Variants in KSR1 observed in about 807,000 individuals in gnomAD.
The protein encoded by KSR1 is kinase suppressor of ras 1.
A neutral mutation model predicts 92.9 loss-of-function variants in KSR1; 35 were observed. The observed-to-expected ratio is 0.38, with a 90% confidence interval of 0.29 to 0.50. The LOEUF is 0.50. Among genes scored for constraint, KSR1 ranks in the 20% least tolerant of loss-of-function variants. The pLI is 0.94. For missense variants in KSR1, 972 were observed against 1,158.5 expected, an observed-to-expected ratio of 0.84 and a Z score of 2.34; for synonymous variants, 467 against 472.6, an observed-to-expected ratio of 0.99 and a Z score of 0.15.
rs566867344 is a variant in KSR1 at position 27,498,832 on chromosome 17, C to T, written c.231+41958C>T. ...GGTTGTGTGGGCAGGTGGAGACTCACTGGCTTTGATGGAGACTCTTAGGGA... is the reference window on the plus strand; with the variant it reads ...GGTTGTGTGGGCAGGTGGAGACTCATTGGCTTTGATGGAGACTCTTAGGGA... On this transcript the variant is annotated intron_variant, in intron 1 of 20. Transcript: ENST00000644974. Among the ~76,000 whole-genome samples the T allele has an allele frequency of 3.3e-5, 5 of 152,316 alleles. No homozygotes were observed. In the South Asian group the frequency reaches 1.0e-3, roughly 32 times the overall value.
chr17:27,545,905 C>T (rs925659992), intron 1 of KSR1, among the ~76,000 whole-genome samples: 1 of 152,110 alleles, frequency 6.6e-6, no homozygotes, highest in South Asian at 2.1e-4. Flanking sequence ...CCTGTGGTGG[C>T]GAAAGTCTTG....
intron 7 of KSR1, among the ~76,000 whole-genome samples, chr17:27,591,642 C>T (rs1236311781): frequency 1.3e-5 from 2 of 152,216 alleles, no homozygotes; most frequent in Non-Finnish European, 2.9e-5. Context: ...ACTTTCCCAG[C>T]GACTCTCCTG....
chr17:27,572,238 G>T (rs1314550371), intron 2 of KSR1, among the ~76,000 whole-genome samples: 1 of 152,206 alleles, frequency 6.6e-6, no homozygotes, highest in Non-Finnish European at 1.5e-5. Context: ...ACAGGCAGAG[G>T]CAGGGAGCCA....
intron 1 of KSR1, among the ~76,000 whole-genome samples, chr17:27,497,279 T>C (rs776919768): frequency 5.9e-5 from 9 of 152,150 alleles, no homozygotes; most frequent in Admixed American, 4.6e-4. Flanking sequence ...CTGGGGAAGA[T>C]TGAATAACCA....
intron 15 of KSR1, among the ~76,000 whole-genome samples, chr17:27,608,702 C>T (rs2073832170): frequency 6.6e-6 from 1 of 152,208 alleles, no homozygotes; most frequent in Non-Finnish European, 1.5e-5. Flanking sequence ...TCTACTACAG[C>T]TCAGACATTA....
intron 16 of KSR1, 134 bp downstream of exon 16, chr17:27,609,463 T>C: frequency 1.7e-6 from 2 of 1,165,082 alleles, no homozygotes; most frequent in Non-Finnish European, 2.5e-6. Context: ...GCTTTGGTCC[T>C]GCCCTCGTAG....
At chr17:27,608,072 C>G in intron 15 of KSR1, 62 bp downstream of exon 15, 1 of 1,225,032 alleles carries the variant, frequency 8.2e-7, no homozygotes, top group South Asian at 1.3e-5. Context: ...CTCGGCTGTT[C>G]CTCTCGCCCT....
At chr17:27,527,724 A>G (rs765415475) in intron 1 of KSR1, among the ~76,000 whole-genome samples, 16 of 152,208 alleles carry the variant, frequency 1.1e-4, no homozygotes, top group Non-Finnish European at 1.8e-4. Context: ...ATCAGACTGT[A>G]TAAGAATCAT....
chr17:27,609,825 C>A, intron 16 of KSR1: 3 of 433,072 alleles, frequency 6.9e-6, no homozygotes, highest in African/African-American at 2.0e-5. Flanking sequence ...ACCAGCAGCT[C>A]CCTGTCAATA....
rs764316477 is a variant in KSR1, at chr17:27,582,960, C to T, written c.835C>T (p.Arg279Trp). ...CCCGCCCACCACACCCCAGCTGCGA[C>T]GGCACACCAAGCTGAAGCCACCACG... ...ITPPTTPQLR[R>W]HTKLKPPRTP... Residue 279 changes from arginine (R) to tryptophan (W), a missense_variant, in exon 4 of 21, where the codon CGG becomes TGG. Arg to Trp is a moderately radical substitution (Grantham distance 101). This residue lies in a region of KSR1 where 611 missense variants were observed against 668.0 expected (regional missense o/e 0.91). Transcript: ENST00000644974. 23 of 1,607,344 alleles carry T rather than the reference C, an allele frequency of 1.4e-5. No homozygotes were observed. Among genetic ancestry groups the T allele is most frequent in the South Asian group, 4.4e-5 (4 of 90,658 alleles).
At chr17:27,593,016 C>A (rs947463432) in intron 9 of KSR1, among the ~76,000 whole-genome samples, 1 of 152,226 alleles carries the variant, frequency 6.6e-6, no homozygotes, top group Admixed American at 6.5e-5. Flanking sequence ...CGGCAGCTGC[C>A]CAGCCCCAAA....
At chr17:27,518,328 T>C (rs1251212879) in intron 1 of KSR1, among the ~76,000 whole-genome samples, 1 of 152,230 alleles carries the variant, frequency 6.6e-6, no homozygotes, top group Non-Finnish European at 1.5e-5. Flanking sequence ...ATCCACTTAA[T>C]ACTGGGTGGA....
chr17:27,586,150 C>G (rs1461155715), intron 5 of KSR1, among the ~76,000 whole-genome samples: 1 of 152,164 alleles, frequency 6.6e-6, no homozygotes, highest in African/African-American at 2.4e-5. Flanking sequence ...AATGAGGCCC[C>G]AAAAGATGGG....
intron 1 of KSR1, among the ~76,000 whole-genome samples, chr17:27,549,951 C>T (rs554695671): frequency 6.6e-6 from 1 of 152,306 alleles, no homozygotes; most frequent in South Asian, 2.1e-4. Flanking sequence ...TCGCTGGAAG[C>T]ATCCTAGGTG....
chr17:27,484,422 G>T (rs905679331), intron 1 of KSR1, among the ~76,000 whole-genome samples: 1 of 152,192 alleles, frequency 6.6e-6, no homozygotes, highest in Non-Finnish European at 1.5e-5. Context: ...GGTAGAGACG[G>T]AGTTTCACCA....
At chr17:27,490,225 A>G (rs2068780849) in intron 1 of KSR1, among the ~76,000 whole-genome samples, 1 of 152,214 alleles carries the variant, frequency 6.6e-6, no homozygotes, top group Non-Finnish European at 1.5e-5. Context: ...TAAAAAGTTA[A>G]GCATATAGTA....
At chr17:27,589,769 G>C (rs533943113) in intron 6 of KSR1, among the ~76,000 whole-genome samples, 1 of 151,990 alleles carries the variant, frequency 6.6e-6, no homozygotes, top group East Asian at 1.9e-4. Flanking sequence ...TCTATCTTTC[G>C]TGTTTTCTTT....
chr17:27,542,436 C>T (rs973432145), intron 1 of KSR1, among the ~76,000 whole-genome samples: 3 of 152,190 alleles, frequency 2.0e-5, no homozygotes, highest in African/African-American at 7.2e-5. Context: ...TGAGAGGGTC[C>T]TGTGGCAGCC....
intron 1 of KSR1, among the ~76,000 whole-genome samples, chr17:27,479,042 C>T (rs1194403472): frequency 6.7e-6 from 1 of 150,146 alleles, no homozygotes; most frequent in Non-Finnish European, 1.5e-5. Context: ...GCTCCTCCCT[C>T]CATCCATGCT....
Sources: gnomAD v4.1 joint callset for allele counts (sites outside exome capture counted in the v4.1 genomes callset) on GRCh38, gnomAD v4.1.1 for gene constraint, gnomAD v4.1.1 regional missense constraint, MANE v1.5 for transcripts, NCBI Gene and HGNC (gene_info 2026-07-23, HGNC 2026-07-21) for gene names.